SPOP: variants seen among roughly 807,000 people sequenced by gnomAD.
The protein encoded by SPOP is speckle type BTB/POZ protein, also known as speckle-type POZ protein.
SPOP carries 11 observed loss-of-function variants against 45.6 expected under a neutral mutation model. The ratio of observed to expected loss-of-function variants is 0.24; its 90% confidence interval spans 0.15 to 0.40. SPOP has a LOEUF of 0.40. Among genes scored for constraint, SPOP ranks in the 10% least tolerant of loss-of-function variants. The pLI, the probability that SPOP is intolerant of heterozygous loss-of-function variation, is 1.00. For missense variants in SPOP, 152 were observed against 465.6 expected, an observed-to-expected ratio of 0.33 and a Z score of 6.20; for synonymous variants, 166 against 166.3, an observed-to-expected ratio of 1.00 and a Z score of 0.01.
intron 3 of SPOP, 113 bp downstream of exon 3, chr17:49,621,833 C>T: frequency 8.3e-7 from 1 of 1,209,518 alleles, no homozygotes; most frequent in Non-Finnish European, 1.2e-6. Flanking sequence ...ACAGTAAGAA[C>T]AAAACAAAAG....
At chr17:49,613,899 T>A (rs1351357444) in intron 5 of SPOP, among the ~76,000 whole-genome samples, 1 of 152,166 alleles carries the variant, frequency 6.6e-6, no homozygotes, top group East Asian at 1.9e-4. Flanking sequence ...TAAAGTTGAC[T>A]GGGGAGACTC....
intron 1 of SPOP, among the ~76,000 whole-genome samples, chr17:49,653,876 G>C (rs1369597755): frequency 2.0e-5 from 3 of 151,310 alleles, no homozygotes; most frequent in Non-Finnish European, 2.9e-5. Flanking sequence ...GTGGTACTTT[G>C]TTTACAAGAT....
intron 1 of SPOP, among the ~76,000 whole-genome samples, chr17:49,661,085 T>C (rs1318658520): frequency 6.6e-6 from 1 of 152,238 alleles, no homozygotes; most frequent in East Asian, 1.9e-4. Context: ...GGATTTTCTA[T>C]GAGGCTCACC....
At chr17:49,666,444 GACAGACACACAC>G (rs1205110472) in intron 1 of SPOP, among the ~76,000 whole-genome samples, 30 of 97,882 alleles carry the variant, frequency 3.1e-4, no homozygotes, top group African/African-American at 1.3e-3. Flanking sequence ...CCTTCATGAA[GACAGACACACAC>G]ACACACACAC....
chr17:49,653,469 T>C (rs1042846534), intron 1 of SPOP, among the ~76,000 whole-genome samples: 11 of 152,138 alleles, frequency 7.2e-5, no homozygotes, highest in African/African-American at 2.7e-4. Context: ...TTCTTTCTAA[T>C]GGTTGCAGAG....
chr17:49,602,063 T>C, intron 8 of SPOP, 56 bp from the exon 9 acceptor site: 3 of 1,587,336 alleles, frequency 1.9e-6, no homozygotes, highest in Non-Finnish European at 2.6e-6. Context: ...GGCTGACCAC[T>C]ACTGAAGCTG....
chr17:49,663,504 A>C (rs2073015274), intron 1 of SPOP, among the ~76,000 whole-genome samples: 1 of 152,258 alleles, frequency 6.6e-6, no homozygotes, highest in Admixed American at 6.5e-5. Context: ...TTAAAAAACA[A>C]TTGCTTGCAC....
intron 1 of SPOP, among the ~76,000 whole-genome samples, chr17:49,668,456 C>G (rs192532071): frequency 6.6e-6 from 1 of 152,130 alleles, no homozygotes; most frequent in Admixed American, 6.5e-5. Context: ...ATGGTATTGA[C>G]TGGAGTATAT....
At chr17:49,649,199 G>A (rs957798629) in intron 1 of SPOP, among the ~76,000 whole-genome samples, 7 of 152,164 alleles carry the variant, frequency 4.6e-5, no homozygotes, top group African/African-American at 1.2e-4. Flanking sequence ...GCCAGAAGCG[G>A]TGGTGTCCCA....
At chr17:49,676,453 A>G (rs1037075105) in intron 1 of SPOP, among the ~76,000 whole-genome samples, 1 of 152,214 alleles carries the variant, frequency 6.6e-6, no homozygotes, top group Non-Finnish European at 1.5e-5. Context: ...TGAAAAATAC[A>G]TATACTTTAA....
intron 1 of SPOP, among the ~76,000 whole-genome samples, chr17:49,634,678 G>A (rs978913912): frequency 3.3e-5 from 5 of 152,154 alleles, no homozygotes. Flanking sequence ...ACCCCACAGA[G>A]TCCCCTGGCT....
At chr17:49,629,441 G>A (rs542407682) in intron 1 of SPOP, among the ~76,000 whole-genome samples, 51 of 152,052 alleles carry the variant, frequency 3.4e-4, no homozygotes, top group South Asian at 6.2e-4. Flanking sequence ...CTCCCAGCCC[G>A]GTACCTCTAA....
chr17:49,652,915 C>T (rs964985400), intron 1 of SPOP, among the ~76,000 whole-genome samples: 2 of 152,184 alleles, frequency 1.3e-5, no homozygotes, highest in African/African-American at 2.4e-5. Flanking sequence ...TAAGAACTGT[C>T]TTACAAAGGT....
intron 3 of SPOP, 147 bp downstream of exon 3, chr17:49,621,799 G>T (rs2072226060): frequency 1.3e-6 from 1 of 754,746 alleles, no homozygotes; most frequent in African/African-American, 1.8e-5. Flanking sequence ...TATGTGCCAG[G>T]CACTGTGCTA....
At chr17:49,605,580 C>T (rs2071824129) in intron 8 of SPOP, among the ~76,000 whole-genome samples, 1 of 151,834 alleles carries the variant, frequency 6.6e-6, no homozygotes, top group Non-Finnish European at 1.5e-5. Flanking sequence ...ATCTCAGCTA[C>T]TCGGGAGGCT....
At chr17:49,611,536 A>C in intron 5 of SPOP, 79 bp from the exon 6 acceptor site, 2 of 1,277,238 alleles carry the variant, frequency 1.6e-6, no homozygotes, top group Admixed American at 1.8e-5. Flanking sequence ...CTTTTACCTA[A>C]CTGCTGTAGT....
At chr17:49,630,909 T>C (rs1230860167) in intron 1 of SPOP, among the ~76,000 whole-genome samples, 2 of 152,194 alleles carry the variant, frequency 1.3e-5, no homozygotes. Flanking sequence ...TTCTTAAATA[T>C]ATGAAAAGAT....
In SPOP at chr17:49,601,927, G is replaced by A. The variant is rs767319726; in HGVS notation, c.918C>T (p.Leu306=). 2.5e-6 allele frequency: 4 copies of A among 1,614,166 alleles called. No individual in the cohort carries two copies. Among genetic ancestry groups the A allele is most frequent in the Admixed American group, 1.7e-5 (1 of 60,028 alleles). ...NLSVENAAEI[L]ILADLHSADQ... ...CTGCACTGTGGAGGTCGGCCAGGAT[G>A]AGAATTTCTGCAGCGTTCTCCACGG... The change falls in exon 9 of 10, where the codon CTC becomes CTT. Residue 306 remains leucine, a synonymous_variant. Coordinates refer to ENST00000504102, the MANE Select transcript of SPOP (RefSeq NM_001007228.2).
At chr17:49,638,497 G>A in intron 1 of SPOP, among the ~76,000 whole-genome samples, 1 of 151,890 alleles carries the variant, frequency 6.6e-6, no homozygotes. Context: ...GCTGAGGCAG[G>A]AAAATCACTT....
Sources: gnomAD v4.1 joint callset for allele counts (sites outside exome capture counted in the v4.1 genomes callset) on GRCh38, gnomAD v4.1.1 for gene constraint, MANE v1.5 for transcripts, NCBI Gene and HGNC (gene_info 2026-07-23, HGNC 2026-07-21) for gene names.